RALYL: variants seen among roughly 807,000 people sequenced by gnomAD.
The protein encoded by RALYL is RNA-binding Raly-like protein.
In RALYL, 29 loss-of-function variants were observed where a neutral mutation model predicts 35.1. That is an observed-to-expected ratio of 0.83 (90% CI 0.61 to 1.13). RALYL has a LOEUF of 1.13. RALYL is among the 50% of genes most tolerant of loss of function. RALYL has a pLI of 0.00. For synonymous variants in RALYL, 120 were observed against 127.6 expected (o/e 0.94, Z 0.40); for missense variants, 359 against 360.4 (o/e 1.00, Z 0.03).
chr8:84,746,819 ATAT>A (rs200287870), intron 2 of RALYL, among the ~76,000 whole-genome samples: 2,156 of 150,220 alleles, frequency 0.014, 53 homozygotes, highest in African/African-American at 0.05. Flanking sequence ...TAATAACCAA[ATAT>A]TATGCTACTA....
At chr8:84,230,290 TCAAAA>T (rs780871972) in intron 1 of RALYL, among the ~76,000 whole-genome samples, 4 of 152,038 alleles carry the variant, frequency 2.6e-5, no homozygotes, top group Admixed American at 6.6e-5. Flanking sequence ...TATGAAATTC[TCAAAA>T]CAATGTATAC....
intron 1 of RALYL, among the ~76,000 whole-genome samples, chr8:84,514,808 T>C (rs969589667): frequency 6.6e-6 from 1 of 151,900 alleles, no homozygotes; most frequent in Non-Finnish European, 1.5e-5. Flanking sequence ...TTGTTGCTTG[T>C]AGGTGTGGGC....
chr8:84,821,134 T>A (rs561705887), intron 4 of RALYL, among the ~76,000 whole-genome samples: 2 of 152,330 alleles, frequency 1.3e-5, no homozygotes, highest in East Asian at 3.9e-4. Context: ...GACTGAATTT[T>A]CAATTAAATA....
intron 1 of RALYL, among the ~76,000 whole-genome samples, chr8:84,524,882 C>A (rs2058753260): frequency 1.3e-5 from 2 of 151,574 alleles, no homozygotes; most frequent in Admixed American, 1.3e-4. Flanking sequence ...TGTATCTTTC[C>A]TAAGTTTTCA....
At chr8:84,893,852 C>G (rs1292996421) in intron 8 of RALYL, among the ~76,000 whole-genome samples, 1 of 152,202 alleles carries the variant, frequency 6.6e-6, no homozygotes, top group East Asian at 1.9e-4. Flanking sequence ...CTTTTGCTGA[C>G]TACACACAAT....
At chr8:84,643,276 T>G (rs1391685218) in intron 2 of RALYL, among the ~76,000 whole-genome samples, 1 of 145,820 alleles carries the variant, frequency 6.9e-6, no homozygotes, top group African/African-American at 2.6e-5. Context: ...CATAAAACAC[T>G]CAAATGGTAT....
chr8:84,862,383 C>T lies in RALYL; in HGVS notation c.501C>T (p.Arg167=). The T allele has an allele frequency of 6.2e-7, 1 of 1,607,520 alleles. No individual in the cohort carries two copies. The highest frequency in any genetic ancestry group is 1.1e-5 in the South Asian group (1 of 89,984). The part of the protein sequence containing the change: ...KRPRVAVTTT[R]RGKGVFSMKG... ...CCAGAGTGGCAGTCACAACGACTCGCAGGGGGAAAGGAGTCTTTTCCATGA... is the reference window on the plus strand; with the variant it reads ...CCAGAGTGGCAGTCACAACGACTCGTAGGGGGAAAGGAGTCTTTTCCATGA... The change falls in exon 6 of 9, where the codon CGC becomes CGT. Residue 167 remains arginine (R), a synonymous_variant. Coordinates refer to ENST00000521268, the MANE Select transcript of RALYL (RefSeq NM_173848.7).
chr8:84,730,065 G>A (rs1467630348), intron 2 of RALYL, among the ~76,000 whole-genome samples: 2 of 152,202 alleles, frequency 1.3e-5, no homozygotes, highest in Non-Finnish European at 2.9e-5. Flanking sequence ...ACCAAAGCTG[G>A]GCGGAGACAC....
At chr8:84,556,347 T>C (rs1460675896) in intron 2 of RALYL, among the ~76,000 whole-genome samples, 1 of 152,090 alleles carries the variant, frequency 6.6e-6, no homozygotes, top group African/African-American at 2.4e-5. Flanking sequence ...AGCTGTGAGA[T>C]AAGCATTATT....
intron 4 of RALYL, among the ~76,000 whole-genome samples, chr8:84,847,153 C>T (rs1354715976): frequency 6.6e-6 from 1 of 152,252 alleles, no homozygotes; most frequent in Admixed American, 6.5e-5. Context: ...CACAAAATCC[C>T]TTGGGCTCTG....
chr8:84,865,852 A>G (rs1397048416), intron 6 of RALYL, among the ~76,000 whole-genome samples: 2 of 152,232 alleles, frequency 1.3e-5, no homozygotes, highest in Admixed American at 6.5e-5. Context: ...TAGGTGACAA[A>G]CTAATATAAA....
intron 5 of RALYL, among the ~76,000 whole-genome samples, chr8:84,853,117 A>G (rs1836225667): frequency 6.6e-6 from 1 of 152,212 alleles, no homozygotes; most frequent in Admixed American, 6.5e-5. Flanking sequence ...TCTCTTAACC[A>G]TAAACATCTA....
chr8:84,484,349 C>G (rs1409872493), intron 1 of RALYL, among the ~76,000 whole-genome samples: 6 of 151,994 alleles, frequency 3.9e-5, no homozygotes, highest in Non-Finnish European at 4.4e-5. Flanking sequence ...AGGCTATAGT[C>G]TAGTAAATTA....
intron 5 of RALYL, among the ~76,000 whole-genome samples, chr8:84,859,852 C>T (rs900634619): frequency 6.6e-6 from 1 of 151,940 alleles, no homozygotes; most frequent in African/African-American, 2.4e-5. Flanking sequence ...CTCAAAAAAA[C>T]AAGAGAGAGA....
intron 2 of RALYL, among the ~76,000 whole-genome samples, chr8:84,737,657 C>T (rs1449850771): frequency 6.6e-6 from 1 of 151,702 alleles, no homozygotes; most frequent in East Asian, 1.9e-4. Context: ...TGTTTGTGTC[C>T]CCAAATTTTA....
At chr8:84,792,621 G>A (rs184576933) in intron 3 of RALYL, among the ~76,000 whole-genome samples, 6 of 152,140 alleles carry the variant, frequency 3.9e-5, no homozygotes, top group African/African-American at 7.2e-5. Context: ...CACCTTCTTC[G>A]ACCCAGTACT....
chr8:84,464,335 C>A (rs933373493), intron 1 of RALYL, among the ~76,000 whole-genome samples: 1 of 151,652 alleles, frequency 6.6e-6, no homozygotes, highest in African/African-American at 2.4e-5. Context: ...TATTCCCCTT[C>A]CTGTGTCCAT....
intron 1 of RALYL, among the ~76,000 whole-genome samples, chr8:84,314,966 C>G (rs1199173885): frequency 6.6e-6 from 1 of 152,158 alleles, no homozygotes; most frequent in Non-Finnish European, 1.5e-5. Flanking sequence ...TGGTGCATAA[C>G]TTTGGAGAGA....
intron 1 of RALYL, among the ~76,000 whole-genome samples, chr8:84,339,355 A>G (rs918459950): frequency 6.6e-6 from 1 of 151,986 alleles, no homozygotes; most frequent in Non-Finnish European, 1.5e-5. Flanking sequence ...TCCTCGCATT[A>G]CCACCTGAGC....
Sources: allele counts gnomAD v4.1 joint callset (sites outside exome capture counted in the v4.1 genomes callset), GRCh38; gene constraint gnomAD v4.1.1; transcripts MANE v1.5; gene names NCBI Gene and HGNC (gene_info 2026-07-23, HGNC 2026-07-21).